The following IGF1R variants were observed in gnomAD, a reference collection of about 807,000 sequenced individuals.
The protein encoded by IGF1R is insulin-like growth factor 1 receptor.
A neutral mutation model predicts 144.6 loss-of-function variants in IGF1R; 44 were observed. The observed-to-expected ratio is 0.30, with a 90% CI of 0.24 to 0.39. The LOEUF is 0.39. Ranked by LOEUF, IGF1R falls within the 10% of genes least tolerant of loss-of-function variation. IGF1R has a pLI of 1.00. For synonymous variants in IGF1R, 795 were observed against 722.8 expected (o/e 1.10, Z -1.60); for missense variants, 1,355 against 1,833.7 (o/e 0.74, Z 4.77).
chr15:98,650,612 G>A (rs552036459), intron 1 of IGF1R, among the ~76,000 whole-genome samples: 1 of 152,380 alleles, frequency 6.6e-6, no homozygotes, highest in African/African-American at 2.4e-5. Context: ...CGCAGCGCGG[G>A]GTGTAGTCGC....
At chr15:98,785,672 A>G (rs940858088) in intron 2 of IGF1R, among the ~76,000 whole-genome samples, 1 of 152,110 alleles carries the variant, frequency 6.6e-6, no homozygotes, top group Non-Finnish European at 1.5e-5. Flanking sequence ...ATTGAATTCG[A>G]TAGTGTTGGT....
chr15:98,886,220 A>C (rs1382657919), intron 2 of IGF1R, among the ~76,000 whole-genome samples: 1 of 152,222 alleles, frequency 6.6e-6, no homozygotes, highest in African/African-American at 2.4e-5. Flanking sequence ...TCTAGAAATA[A>C]TTTGATACAT....
intron 8 of IGF1R, among the ~76,000 whole-genome samples, chr15:98,915,618 T>C (rs2015210420): frequency 6.6e-6 from 1 of 152,252 alleles, no homozygotes; most frequent in Admixed American, 6.5e-5. Context: ...CTGTGGAGAA[T>C]GGCAGTTGTA....
At chr15:98,770,000 C>A (rs1023359651) in intron 2 of IGF1R, among the ~76,000 whole-genome samples, 1 of 152,116 alleles carries the variant, frequency 6.6e-6, no homozygotes, top group Non-Finnish European at 1.5e-5. Context: ...CGGTTGCTTC[C>A]TTGTTCTCTG....
rs45512296 is a variant in IGF1R, at chr15:98,957,075, G to A, written c.3737G>A (p.Arg1246His). The A allele has an allele frequency of 2.5e-5, 40 of 1,614,200 alleles. No homozygotes were observed. The highest frequency in any genetic ancestry group is 1.1e-4 in the East Asian group (5 of 44,876). Reference protein sequence around the residue: ...NCPDMLFELMRMCWQYNPKMR... With the variant: ...NCPDMLFELMHMCWQYNPKMR... ...CTTGGCTGCAGGTTTGAACTGATGC[G>A]CATGTGCTGGCAGTATAACCCCAAG... The change falls in exon 21 of 21, where the codon CGC becomes CAC. Residue 1246 changes from arginine (R) to histidine (H), a missense_variant. Coordinates refer to ENST00000650285, the MANE Select transcript of IGF1R (RefSeq NM_000875.5).
chr15:98,783,386 T>G (rs2055903672), intron 2 of IGF1R, among the ~76,000 whole-genome samples: 1 of 152,234 alleles, frequency 6.6e-6, no homozygotes, highest in African/African-American at 2.4e-5. Flanking sequence ...TTAATAATGT[T>G]CTGTAAATAG....
At chr15:98,868,539 T>C (rs2012594256) in intron 2 of IGF1R, among the ~76,000 whole-genome samples, 1 of 151,820 alleles carries the variant, frequency 6.6e-6, no homozygotes, top group African/African-American at 2.4e-5. Context: ...GTTACGAGAA[T>C]TACGCTAGAA....
At chr15:98,694,055 G>A (rs1282838221) in intron 1 of IGF1R, among the ~76,000 whole-genome samples, 2 of 152,176 alleles carry the variant, frequency 1.3e-5, no homozygotes, top group Non-Finnish European at 2.9e-5. Context: ...GTGACCATTT[G>A]GAAATGTGTC....
At chr15:98,788,052 C>CTGTGTGTGTGTGTGTGTGTGTG (rs1167503156) in intron 2 of IGF1R, among the ~76,000 whole-genome samples, 2 of 139,566 alleles carry the variant, frequency 1.4e-5, no homozygotes, top group African/African-American at 5.7e-5. Flanking sequence ...CTCTCTCTCT[C>CTGTGTGTGTGTGTGTGTGTGTG]TCTCTCTCTC....
chr15:98,735,970 A>C (rs2141304807), intron 2 of IGF1R, among the ~76,000 whole-genome samples: 1 of 152,372 alleles, frequency 6.6e-6, no homozygotes, highest in South Asian at 2.1e-4. Flanking sequence ...AAGCAGACAC[A>C]TCAAATTAAA....
Position 98,712,461 on chromosome 15 carries a change from T to G in IGF1R, c.640+4354T>G, listed in dbSNP as rs553281463. Among the ~76,000 whole-genome samples, 2 of 152,262 alleles carry G rather than the reference T, an allele frequency of 1.3e-5. 1 individual carries two copies. The highest frequency in any genetic ancestry group is 4.1e-4 in the South Asian group (2 of 4,820). ...GTCCTTTGGACACTTCCTTCTCCAG[T>G]TGGATACCAGGCCCTTTCCCTCCCG... On this transcript the variant is annotated intron_variant, in intron 2 of 20. Coordinates refer to ENST00000650285, the MANE Select transcript of IGF1R (RefSeq NM_000875.5).
intron 2 of IGF1R, among the ~76,000 whole-genome samples, chr15:98,735,065 A>G (rs1048160368): frequency 2.0e-5 from 3 of 152,168 alleles, no homozygotes; most frequent in African/African-American, 7.2e-5. Flanking sequence ...GATTGTGGCC[A>G]GGGTTCACCC....
rs2056969738 is a variant in IGF1R, at chr15:98,829,896, TTTAA to T, written c.641-61425_641-61422del. ...TACCTTGTTTTTCATTGTAAAACTA[TTTAA>T]TTATGAAAATGAGAGTGTGAAAGGC... On this transcript the variant is annotated intron_variant, in intron 2 of 20. Coordinates refer to ENST00000650285, the MANE Select transcript of IGF1R (RefSeq NM_000875.5). 8.5e-5 allele frequency among the ~76,000 whole-genome samples: 13 copies of T among 152,370 alleles called. No individual in the cohort carries two copies. The South Asian group carries it at 2.7e-3, about 32-fold the overall frequency.
Position 98,960,888 on chromosome 15 carries a change from G to A in IGF1R, c.*3446G>A, listed in dbSNP as rs1174326176. The stretch of plus-strand genomic sequence containing the variant: ...GCTGGAAAGCCCAGTGGCCGGCGCC[G>A]AGGCTCGTGGCGTCACGCCCCCCCC... On this transcript the variant is annotated 3_prime_UTR_variant, in exon 21 of 21. Coordinates refer to ENST00000650285, the MANE Select transcript of IGF1R (RefSeq NM_000875.5). The A allele has an allele frequency of 3.0e-5, 7 of 233,642 alleles. No individual in the cohort carries two copies. The East Asian group carries it at 3.0e-4, about 10-fold the overall frequency. The allele number at this position is 233,642 out of a possible 1,614,324, so 14.5% of individuals were successfully genotyped here. A position where few individuals can be genotyped will look rare whatever the true frequency, so the allele number is the denominator to read the frequency against.
intron 1 of IGF1R, among the ~76,000 whole-genome samples, chr15:98,677,534 T>G (rs2053078859): frequency 6.6e-6 from 1 of 152,226 alleles, no homozygotes; most frequent in Non-Finnish European, 1.5e-5. Context: ...CGACAGGGGC[T>G]GACTTTTCTC....
intron 2 of IGF1R, among the ~76,000 whole-genome samples, chr15:98,780,549 CAAAAAAAAAAAA>C (rs1192949160): frequency 0.16 from 3,911 of 24,054 alleles, 331 homozygotes; most frequent in African/African-American, 0.25. Flanking sequence ...AACTCTGTCT[CAAAAAAAAAAAA>C]AAAAAAAAAA....
At chr15:98,824,216 CCACCTGGTTCCTCT>C (rs1485300739) in intron 2 of IGF1R, 5 of 152,164 alleles carry the variant, frequency 3.3e-5, no homozygotes, top group Admixed American at 3.3e-4. Context: ...GTGTGCACGG[CCACCTGGTTCCTCT>C]CCTCACTTGC....
intron 5 of IGF1R, among the ~76,000 whole-genome samples, chr15:98,902,543 G>A (rs1055938399): frequency 6.7e-6 from 1 of 149,770 alleles, no homozygotes; most frequent in Non-Finnish European, 1.5e-5. Flanking sequence ...TCAGCCTCCT[G>A]AATAGCTGGG....
chr15:98,880,958 G>A (rs1397187098), intron 2 of IGF1R: 1 of 152,156 alleles, frequency 6.6e-6, no homozygotes, highest in African/African-American at 2.4e-5. Context: ...ACCCAAACAA[G>A]TCTTAGTAAT....
Sources: allele counts gnomAD v4.1 joint callset (sites outside exome capture counted in the v4.1 genomes callset), GRCh38; gene constraint gnomAD v4.1.1; transcripts MANE v1.5; gene names NCBI Gene and HGNC (gene_info 2026-07-23, HGNC 2026-07-21).